ZBTB20: variants seen among roughly 807,000 people sequenced by gnomAD.
ZBTB20 encodes zinc finger and BTB domain containing 20.
Under a neutral mutation model 56.9 loss-of-function variants are expected in ZBTB20, and 9 were observed. The observed-to-expected ratio is 0.16, with a 90% CI of 0.10 to 0.28. The LOEUF is 0.28. ZBTB20 is among the 10% of genes least tolerant of loss of function. ZBTB20 has a pLI of 1.00. For synonymous variants in ZBTB20, 417 were observed against 420.7 expected (o/e 0.99, Z 0.11); for missense variants, 655 against 1,003.0 (o/e 0.65, Z 4.69).
At chr3:114,796,920 G>A (rs1202726606) in intron 5 of ZBTB20, among the ~76,000 whole-genome samples, 1 of 151,870 alleles carries the variant, frequency 6.6e-6, no homozygotes, top group Non-Finnish European at 1.5e-5. Flanking sequence ...AATAATTGAA[G>A]TCATGTAACT....
chr3:114,371,795 CTCATGTGTACAATAA>C (rs2083045092), intron 10 of ZBTB20, among the ~76,000 whole-genome samples: 1 of 152,120 alleles, frequency 6.6e-6, no homozygotes, highest in African/African-American at 2.4e-5. Context: ...CCTCAGTTTT[CTCATGTGTACAATAA>C]TGGGTATAGA....
At chr3:114,508,295 T>C (rs1359332137) in intron 6 of ZBTB20, among the ~76,000 whole-genome samples, 1 of 152,150 alleles carries the variant, frequency 6.6e-6, no homozygotes, top group Non-Finnish European at 1.5e-5. Flanking sequence ...GCTTTCTTTG[T>C]CTATTTACCT....
At chr3:114,806,379 ATCT>A in intron 4 of ZBTB20, among the ~76,000 whole-genome samples, 1 of 152,090 alleles carries the variant, frequency 6.6e-6, no homozygotes, top group African/African-American at 2.4e-5. Flanking sequence ...GCATGACTTC[ATCT>A]TCTTTGGTGA....
intron 7 of ZBTB20, among the ~76,000 whole-genome samples, chr3:114,452,516 A>G (rs2109039654): frequency 6.6e-6 from 1 of 152,242 alleles, no homozygotes; most frequent in Non-Finnish European, 1.5e-5. Context: ...ACACATACAT[A>G]GTAAGGTTTC....
intron 7 of ZBTB20, among the ~76,000 whole-genome samples, chr3:114,408,416 C>T (rs1194340807): frequency 6.6e-6 from 1 of 152,156 alleles, no homozygotes; most frequent in Non-Finnish European, 1.5e-5. Flanking sequence ...CACAACATTG[C>T]TAATGTTTAG....
intron 6 of ZBTB20, among the ~76,000 whole-genome samples, chr3:114,536,331 A>G (rs1273738474): frequency 6.6e-6 from 1 of 152,190 alleles, no homozygotes; most frequent in Non-Finnish European, 1.5e-5. Context: ...CAAAAATCAC[A>G]AGTATTCCTA....
chr3:114,930,641 G>C (rs1282892047), intron 3 of ZBTB20: 1 of 167,418 alleles, frequency 6.0e-6, no homozygotes, highest in African/African-American at 2.4e-5. Flanking sequence ...CCTCACAGGC[G>C]GCGCCTGCTG....
At chr3:114,487,943 T>C (rs972073330) in intron 7 of ZBTB20, among the ~76,000 whole-genome samples, 2 of 152,230 alleles carry the variant, frequency 1.3e-5, no homozygotes, top group Non-Finnish European at 2.9e-5. Context: ...AATCCTGCCC[T>C]GGAGACATGG....
At chr3:114,839,417 A>AAGAAAGAC (rs2074269812) in intron 4 of ZBTB20, among the ~76,000 whole-genome samples, 2 of 147,698 alleles carry the variant, frequency 1.4e-5, no homozygotes, top group Non-Finnish European at 3.0e-5. Flanking sequence ...GAAAGAAAGA[A>AAGAAAGAC]AGAAAGAAAG....
chr3:114,830,325 C>A (rs772432124), intron 4 of ZBTB20, among the ~76,000 whole-genome samples: 4 of 151,920 alleles, frequency 2.6e-5, no homozygotes, highest in Non-Finnish European at 5.9e-5. Flanking sequence ...TGCTCTATTG[C>A]ATTTTAAATA....
rs568951401 is a variant in ZBTB20, at chr3:114,373,491, G to C, written c.199+6726C>G. ...TCTGCGCTCTGTTTGTGCCTCTATG[G>C]TTTTGCTTCTTTCTATTCCTTCTGC... On this transcript the variant is annotated intron_variant, in intron 10 of 11. Transcript: ENST00000675478. 2.6e-5 allele frequency among the ~76,000 whole-genome samples: 4 copies of C among 152,182 alleles called. No individual in the cohort carries two copies. The South Asian group carries it at 8.3e-4, about 32-fold the overall frequency.
At chr3:114,760,330 A>G (rs542991212) in intron 5 of ZBTB20, among the ~76,000 whole-genome samples, 1 of 152,200 alleles carries the variant, frequency 6.6e-6, no homozygotes, top group Non-Finnish European at 1.5e-5. Context: ...TCTAAAAGAG[A>G]AAACACACAT....
intron 6 of ZBTB20, among the ~76,000 whole-genome samples, chr3:114,587,799 A>G (rs1033955268): frequency 4.6e-5 from 7 of 152,238 alleles, no homozygotes; most frequent in African/African-American, 1.4e-4. Flanking sequence ...CAGTCTGGAA[A>G]TACAGGAATT....
chr3:114,805,788 T>C (rs2072059707), intron 4 of ZBTB20, among the ~76,000 whole-genome samples: 1 of 151,846 alleles, frequency 6.6e-6, no homozygotes, highest in Admixed American at 6.6e-5. Flanking sequence ...ACAACAAATA[T>C]TTTCTCTCTC....
chr3:115,134,706 C>T (rs1478261246), intron 1 of ZBTB20, among the ~76,000 whole-genome samples: 3 of 152,138 alleles, frequency 2.0e-5, no homozygotes, highest in African/African-American at 4.8e-5. Flanking sequence ...TTCATGTTTT[C>T]GCCAGTAGTC....
chr3:114,794,387 A>G (rs1339348606), intron 5 of ZBTB20, among the ~76,000 whole-genome samples: 4 of 152,052 alleles, frequency 2.6e-5, no homozygotes, highest in Non-Finnish European at 5.9e-5. Context: ...CTTTGATCAC[A>G]TATTAGCTGG....
chr3:114,951,870 T>C (rs1304814549), intron 3 of ZBTB20, among the ~76,000 whole-genome samples: 4 of 151,952 alleles, frequency 2.6e-5, no homozygotes, highest in Non-Finnish European at 5.9e-5. Flanking sequence ...AATTTACTAT[T>C]CTAAAAATGC....
chr3:114,716,364 C>A (rs968248906), intron 5 of ZBTB20, among the ~76,000 whole-genome samples: 19 of 152,088 alleles, frequency 1.2e-4, no homozygotes, highest in African/African-American at 3.4e-4. Flanking sequence ...TCCAGAGGAC[C>A]AGCGATATTA....
chr3:115,030,052 C>T (rs937502858), intron 2 of ZBTB20, among the ~76,000 whole-genome samples: 3 of 150,802 alleles, frequency 2.0e-5, no homozygotes, highest in Non-Finnish European at 4.5e-5. Flanking sequence ...TAATTAAGGA[C>T]CTGGGAAAAA....
Sources: gnomAD v4.1 joint callset for allele counts (sites outside exome capture counted in the v4.1 genomes callset) on GRCh38, gnomAD v4.1.1 for gene constraint, MANE v1.5 for transcripts, NCBI Gene and HGNC (gene_info 2026-07-23, HGNC 2026-07-21) for gene names.